PAEP: variants seen among roughly 807,000 people sequenced by gnomAD.
PAEP encodes glycodelin.
Under a neutral mutation model 23.0 loss-of-function variants are expected in PAEP, and 28 were observed. The ratio of observed to expected loss-of-function variants is 1.22; its 90% CI spans 0.90 to 1.67. The LOEUF is 1.67. PAEP is among the 40% of genes most tolerant of loss of function. PAEP has a pLI of 0.00. For missense variants in PAEP, 209 were observed against 226.4 expected (o/e 0.92, Z 0.49); for synonymous variants, 103 against 92.4 (o/e 1.12, Z -0.66).
At chr9:135,563,270 G>A (rs1258171582) in intron 3 of PAEP, among the ~76,000 whole-genome samples, 1 of 151,580 alleles carries the variant, frequency 6.6e-6, no homozygotes, top group Non-Finnish European at 1.5e-5. Context: ...AGGTGGGCAG[G>A]AGGGTAGGTG....
intron 1 of PAEP, 149 bp from the exon 2 acceptor site, chr9:135,562,145 A>G: frequency 2.1e-6 from 2 of 942,820 alleles, no homozygotes; most frequent in Non-Finnish European, 3.1e-6. Flanking sequence ...TTTTAAGTAC[A>G]GGAAATTTCA....
intron 3 of PAEP, among the ~76,000 whole-genome samples, 170 bp from the exon 4 acceptor site, chr9:135,564,074 C>G (rs1312482804): frequency 6.6e-6 from 1 of 152,224 alleles, no homozygotes; most frequent in Non-Finnish European, 1.5e-5. Flanking sequence ...ATTGCCTCTC[C>G]TCCCCTTTCC....
At chr9:135,563,377 GGTAGGTGGGTAGGT>G (rs1832415358) in intron 3 of PAEP, among the ~76,000 whole-genome samples, 2 of 150,748 alleles carry the variant, frequency 1.3e-5, no homozygotes, top group Non-Finnish European at 3.0e-5. Context: ...TGGGCAGGTG[GGTAGGTGGGTAGGT>G]ATACAGGTGG....
chr9:135,566,111 G>A, intron 6 of PAEP: 1 of 396,334 alleles, frequency 2.5e-6, no homozygotes, highest in Non-Finnish European at 4.6e-6. Context: ...GAGGAAGGAG[G>A]ATGGTTACAT....
intron 3 of PAEP, among the ~76,000 whole-genome samples, chr9:135,563,667 T>G (rs1015295332): frequency 6.6e-6 from 1 of 152,190 alleles, no homozygotes; most frequent in Non-Finnish European, 1.5e-5. Context: ...CAGCATGTCC[T>G]TGGTCCACTG....
chr9:135,564,120 C>A, intron 3 of PAEP, 124 bp from the exon 4 acceptor site: 1 of 1,427,322 alleles, frequency 7.0e-7, no homozygotes, highest in Non-Finnish European at 9.4e-7. Context: ...ACAGCAGGGG[C>A]CACGTCCCAT....
In PAEP at chr9:135,562,444, C is replaced by T. The variant is rs375704443; in HGVS notation, c.236+11C>T. The T allele has an allele frequency of 8.7e-6, 14 of 1,612,666 alleles. No individual in the cohort carries two copies. In the African/African-American group the frequency reaches 1.6e-4, roughly 18 times the overall value. On this transcript the variant is annotated intron_variant, in intron 2 of 6. Coordinates refer to ENST00000479141, the MANE Select transcript of PAEP (RefSeq NM_002571.4). ...CGTTCTGCACAGATGGTGGGTTTCT[C>T]ATCATTGAGACGGGCTGGGCGGGGG...
chr9:135,566,229 G>C (rs1057419674), intron 6 of PAEP: 1 of 174,998 alleles, frequency 5.7e-6, no homozygotes, highest in Admixed American at 5.6e-5. Flanking sequence ...GAGTGCAGTG[G>C]CACAATCTCA....
rs570771664 is a variant in PAEP, at chr9:135,564,247, C to A, written c.314C>A (p.Thr105Lys). The change falls in exon 4 of 7, where the codon ACG becomes AAG. Residue 105 changes from threonine (T) to lysine (K), a missense_variant. By Grantham distance (78) the Thr-to-Lys change is moderately conservative. Coordinates refer to ENST00000479141, the MANE Select transcript of PAEP (RefSeq NM_002571.4). ...ENPKKFKINY[T>K]VANEATLLDT... ...GGTTCTTCTCTTCTTTCCCCAGATA[C>A]GGTGGCGAACGAGGCCACGCTGCTC... The A allele has an allele frequency of 2.6e-6, 4 of 1,552,332 alleles. No homozygotes were observed. In the East Asian group the frequency reaches 7.3e-5, roughly 28 times the overall value.
At chr9:135,564,131 G>A (rs1318534087) in intron 3 of PAEP, 113 bp from the exon 4 acceptor site, 1 of 1,448,450 alleles carries the variant, frequency 6.9e-7, no homozygotes, top group Non-Finnish European at 9.3e-7. Context: ...CACGTCCCAT[G>A]GTGTCAGTGG....
rs1039038782 is a variant in PAEP at position 135,561,894 on chromosome 9, A to C, written c.93A>C (p.Pro31=). The stretch of plus-strand genomic sequence containing the variant: ...AGACCAAGCAGGACCTGGAGCTCCC[A>C]AAGGTTTGAGGCTGGGGGAGCGGGC... ...IPQTKQDLEL[P]KLAGTWHSMA... The change falls in exon 1 of 7, where the codon CCA becomes CCC. Residue 31 remains proline, a synonymous_variant. Transcript: ENST00000479141. 1 of 1,562,278 alleles carries C rather than the reference A, an allele frequency of 6.4e-7. No individual in the cohort carries two copies. Among genetic ancestry groups the C allele is most frequent in the Non-Finnish European group, 8.7e-7 (1 of 1,152,486 alleles).
At chr9:135,562,125 A>T (rs1832326028) in intron 1 of PAEP, among the ~76,000 whole-genome samples, 169 bp from the exon 2 acceptor site, 2 of 152,190 alleles carry the variant, frequency 1.3e-5, no homozygotes, top group Admixed American at 1.3e-4. Flanking sequence ...GAGTTAGCAC[A>T]CACTGGTCAT....
At chr9:135,563,386 G>A (rs1285573750) in intron 3 of PAEP, among the ~76,000 whole-genome samples, 1 of 6,532 alleles carries the variant, frequency 1.5e-4, no homozygotes, top group Non-Finnish European at 3.2e-4. Context: ...GGGTAGGTGG[G>A]TAGGTATACA....
In PAEP at chr9:135,562,568, T is replaced by C. The variant is rs865838893; in HGVS notation, c.236+135T>C. ...ACAGCCAGGGGCTTCACTGTGGCCC[T>C]TCCATGAGGGTGGGGTGGAAAACCA... On this transcript the variant is annotated intron_variant, in intron 2 of 6. Coordinates refer to ENST00000479141, the MANE Select transcript of PAEP (RefSeq NM_002571.4). 8 of 1,165,482 alleles carry C rather than the reference T, an allele frequency of 6.9e-6. No homozygotes were observed. In the Middle Eastern group the frequency reaches 1.4e-3, roughly 210 times the overall value. The allele number at this position is 1,165,482 out of a possible 1,614,324, so 72.2% of individuals were successfully genotyped here. A position where few individuals can be genotyped will look rare whatever the true frequency, so the allele number is the denominator to read the frequency against.
At position 135,562,842 on chromosome 9, in the gene PAEP, A is replaced by G. The variant is rs200495963; in HGVS notation, c.259A>G (p.Lys87Glu). Residue 87 changes from lysine (K) to glutamate (E), a missense_variant, in exon 3 of 7, where the codon AAG becomes GAG. Transcript: ENST00000479141. Reference protein sequence around the residue: ...HRWENNSCVEKKVLGEKTENP... With the variant: ...HRWENNSCVEEKVLGEKTENP... ...CAGGGAGAACAACAGCTGTGTTGAG[A>G]AGAAGGTCCTTGGAGAGAAGACTGA... 1.2e-6 allele frequency: 2 copies of G among 1,613,978 alleles called. No individual in the cohort carries two copies. Among genetic ancestry groups the G allele is most frequent in the East Asian group, 2.2e-5 (1 of 44,880 alleles).
chr9:135,565,307 TG>T, intron 4 of PAEP, 102 bp from the exon 5 acceptor site: 1 of 956,728 alleles, frequency 1.0e-6, no homozygotes, highest in Non-Finnish European at 1.7e-6. Context: ...CTCGGAGCAC[TG>T]GGGCCTCCTT....
chr9:135,562,808 A>G lies in PAEP; in HGVS notation c.237-12A>G. 1 of 1,610,520 alleles carries G rather than the reference A, an allele frequency of 6.2e-7. No individual in the cohort carries two copies. Among genetic ancestry groups the G allele is most frequent in the South Asian group, 1.1e-5 (1 of 90,892 alleles). The stretch of plus-strand genomic sequence containing the variant: ...TCAAGTGGCCACTCATCCTATTGTC[A>G]CCACCTTTCAGGGAGAACAACAGCT... On this transcript the variant is annotated splice_polypyrimidine_tract_variant and intron_variant, in intron 2 of 6. Transcript: ENST00000479141.
intron 3 of PAEP, among the ~76,000 whole-genome samples, chr9:135,563,393 T>C (rs1206587734): frequency 1.1e-4 from 1 of 9,282 alleles, no homozygotes. Context: ...TGGGTAGGTA[T>C]ACAGGTGGAC....
In PAEP at chr9:135,561,889, C is replaced by A; in HGVS notation, c.88C>A (p.Leu30Ile). The change falls in exon 1 of 7, where the codon CTC (leucine) becomes ATC (isoleucine). Residue 30 changes from leucine to isoleucine, a missense_variant. Leu to Ile is a conservative substitution (Grantham distance 5, BLOSUM62 2). Transcript: ENST00000479141. ...CCCCCAGACCAAGCAGGACCTGGAG[C>A]TCCCAAAGGTTTGAGGCTGGGGGAG... ...DIPQTKQDLE[L>I]PKLAGTWHSM... The A allele has an allele frequency of 6.4e-7, 1 of 1,563,888 alleles. No homozygotes were observed. The highest frequency in any genetic ancestry group is 8.7e-7 in the Non-Finnish European group (1 of 1,153,342).
Sources: gnomAD v4.1 joint callset for allele counts (sites outside exome capture counted in the v4.1 genomes callset) on GRCh38, gnomAD v4.1.1 for gene constraint, MANE v1.5 for transcripts, NCBI Gene and HGNC (gene_info 2026-07-23, HGNC 2026-07-21) for gene names.